Variants in GFPT2 observed in about 807,000 individuals in gnomAD.
GFPT2 encodes glutamine--fructose-6-phosphate transaminase 2.
Under a neutral mutation model 85.6 loss-of-function variants are expected in GFPT2, and 62 were observed. That is an observed-to-expected ratio of 0.72 (90% CI 0.59 to 0.90). GFPT2 has a LOEUF of 0.90. Among genes scored for constraint, GFPT2 ranks in the 40% least tolerant of loss-of-function variants. The probability of loss-of-function intolerance (pLI) is 0.00; values close to 1 mark genes in which losing one functional copy is unlikely to be tolerated. For missense variants in GFPT2, 788 were observed against 893.4 expected, an observed-to-expected ratio of 0.88 and a Z score of 1.50; for synonymous variants, 368 against 344.5, an observed-to-expected ratio of 1.07 and a Z score of -0.75.
chr5:180,306,087 C>A (rs895707934), intron 16 of GFPT2, among the ~76,000 whole-genome samples: 1 of 151,444 alleles, frequency 6.6e-6, no homozygotes, highest in Non-Finnish European at 1.5e-5. Flanking sequence ...TGGATTCAAG[C>A]GATTCTCCTG....
intron 7 of GFPT2, among the ~76,000 whole-genome samples, chr5:180,325,842 T>C (rs1382063615): frequency 6.6e-6 from 1 of 152,150 alleles, no homozygotes; most frequent in Non-Finnish European, 1.5e-5. Flanking sequence ...CTGGCCAACA[T>C]GGCGGAACCC....
chr5:180,328,405 C>T lies in GFPT2; in HGVS notation c.535-67G>A. 1 of 1,272,716 alleles carries T rather than the reference C, an allele frequency of 7.9e-7. No individual in the cohort carries two copies. Among genetic ancestry groups the T allele is most frequent in the Non-Finnish European group, 1.1e-6 (1 of 870,248 alleles). The allele number at this position is 1,272,716 out of a possible 1,614,324, so 78.8% of individuals were successfully genotyped here. ...CCGCTGCTGCAGCCTGGCCACAGCC[C>T]AGGTGCGTCTCCCTGGGCCCCTCCT... On this transcript the variant is annotated intron_variant, in intron 6 of 18. Transcript: ENST00000253778. The surrounding 1 kb of genome is among the most constrained non-coding windows in gnomAD (Gnocchi z 5.4).
intron 4 of GFPT2, 44 bp downstream of exon 4, chr5:180,335,784 C>G: frequency 6.3e-7 from 1 of 1,584,604 alleles, no homozygotes; most frequent in South Asian, 1.2e-5. Context: ...TGACACAGCT[C>G]AGGGTGAGGT....
At chr5:180,312,626 T>C in intron 14 of GFPT2, 82 bp from the exon 15 acceptor site, 2 of 759,682 alleles carry the variant, frequency 2.6e-6, no homozygotes, top group South Asian at 3.0e-5. Context: ...GTCTACTCTG[T>C]TGCTCACGCC....
rs1232879412 is a variant in GFPT2 at position 180,313,659 on chromosome 5, GGGAAA to G, written c.1431+143_1431+147del. On this transcript the variant is annotated intron_variant, in intron 14 of 18. Coordinates refer to ENST00000253778, the MANE Select transcript of GFPT2 (RefSeq NM_005110.4). ...AAGATACGGGAATCCAAGAGGGGAG[GGGAAA>G]GGAAAGGAGCGGAGAGAAGGGGTGA... The G allele has an allele frequency of 7.0e-6, 3 of 430,238 alleles. No individual in the cohort carries two copies. The Admixed American group carries it at 1.3e-4, about 19-fold the overall frequency. The allele number at this position is 430,238 out of a possible 1,614,324, so 26.7% of individuals were successfully genotyped here. A position where few individuals can be genotyped will look rare whatever the true frequency, so the allele number is the denominator to read the frequency against.
Position 180,318,596 on chromosome 5 carries a change from C to A in GFPT2, c.958+197G>T. 2 of 572,494 alleles carry A rather than the reference C, an allele frequency of 3.5e-6. No individual in the cohort carries two copies. The highest frequency in any genetic ancestry group is 6.0e-5 in the Admixed American group (2 of 33,308). 35.5% of individuals were successfully genotyped at this position (572,494 alleles called of 1,614,324 possible). A position where few individuals can be genotyped will look rare whatever the true frequency, so the allele number is the denominator to read the frequency against. The stretch of plus-strand genomic sequence containing the variant: ...CCTGGCGGCTGGCTGCACACAGGAG[C>A]CCCCGCTTGGAGGTGCCAGGCCAGC... On this transcript the variant is annotated intron_variant, in intron 10 of 18. Coordinates refer to ENST00000253778, the MANE Select transcript of GFPT2 (RefSeq NM_005110.4). The surrounding 1 kb of genome is among the most constrained non-coding windows in gnomAD (Gnocchi z 4.2).
chr5:180,310,832 CAAAAAAAAAAAAAAAA>C (rs3080055), intron 15 of GFPT2, among the ~76,000 whole-genome samples: 2 of 50,582 alleles, frequency 4.0e-5, no homozygotes, highest in South Asian at 1.1e-3. Flanking sequence ...TGGACACAGG[CAAAAAAAAAAAAAAAA>C]AAAAAAAAAA....
At chr5:180,304,136 G>A (rs1484027800) in intron 17 of GFPT2, among the ~76,000 whole-genome samples, 1 of 152,146 alleles carries the variant, frequency 6.6e-6, no homozygotes, top group Non-Finnish European at 1.5e-5. Flanking sequence ...GTGCTGGGAG[G>A]GTGACACATC....
rs967097425 is a variant in GFPT2 at position 180,301,302 on chromosome 5, A to G, written c.*262T>C. ...TTACTCTGAAGAGAGCTGTATCTCT[A>G]TTGCACAGTAGTGGAGAAGTCTGCT... On this transcript the variant is annotated 3_prime_UTR_variant, in exon 19 of 19. Transcript: ENST00000253778. 4.3e-5 allele frequency: 23 copies of G among 539,600 alleles called. No homozygotes were observed. Among genetic ancestry groups the G allele is most frequent in the Non-Finnish European group, 7.2e-5 (22 of 306,896 alleles). The allele number at this position is 539,600 out of a possible 1,614,324, so 33.4% of individuals were successfully genotyped here.
In GFPT2 at chr5:180,324,860, T is replaced by C; in HGVS notation, c.632A>G (p.Lys211Arg). ...GATCTGTTCTGTGGAGAGCTTGTAT[T>C]TGCTCCGGACTCCGATGAGCAGGGG... ...GSPLLIGVRS[K>R]YKLSTEQIPI... is the part of the protein sequence containing the mutation. The change falls in exon 8 of 19, where the codon AAA becomes AGA. Residue 211 changes from lysine to arginine, a missense_variant. Lys to Arg is a conservative substitution (Grantham distance 26). Transcript: ENST00000253778. 1 of 1,612,548 alleles carries C rather than the reference T, an allele frequency of 6.2e-7. No individual in the cohort carries two copies. Among genetic ancestry groups the C allele is most frequent in the Non-Finnish European group, 8.5e-7 (1 of 1,178,570 alleles).
At position 180,330,489 on chromosome 5, in the gene GFPT2, A is replaced by C. The variant is rs1172949007; in HGVS notation, c.534+211T>G. Among the ~76,000 whole-genome samples, 2 of 152,218 alleles carry C rather than the reference A, an allele frequency of 1.3e-5. No individual in the cohort carries two copies. The highest frequency in any genetic ancestry group is 4.8e-5 in the African/African-American group (2 of 41,470). On this transcript the variant is annotated intron_variant, in intron 6 of 18. Coordinates refer to ENST00000253778, the MANE Select transcript of GFPT2 (RefSeq NM_005110.4). The surrounding 1 kb of genome is among the most constrained non-coding windows in gnomAD (Gnocchi z 4.4). ...ACTTTCTATTTGATGTTGACTACCC[A>C]AACCACAGAACGTCTTCCAGTTCTA...
chr5:180,301,516 G>C lies in GFPT2; in HGVS notation c.*48C>G. 1 of 1,476,654 alleles carries C rather than the reference G, an allele frequency of 6.8e-7. No homozygotes were observed. The highest frequency in any genetic ancestry group is 1.1e-5 in the South Asian group (1 of 88,354). 91.5% of individuals were successfully genotyped at this position (1,476,654 alleles called of 1,614,324 possible). A position where few individuals can be genotyped will look rare whatever the true frequency, so the allele number is the denominator to read the frequency against. ...TGTAGCATCCCTGCTGTTGGGACAG[G>C]TCTGGAATCAGATGAAAGGTGGTGA... On this transcript the variant is annotated 3_prime_UTR_variant, in exon 19 of 19. Coordinates refer to ENST00000253778, the MANE Select transcript of GFPT2 (RefSeq NM_005110.4).
Position 180,350,071 on chromosome 5 carries a change from C to T in GFPT2, c.7+3140G>A, listed in dbSNP as rs565346455. On this transcript the variant is annotated intron_variant, in intron 1 of 18. Transcript: ENST00000253778. ...GCCACCCCCTCCTCTCTGCAGGGCC[C>T]GTGCTCGTGTCTGGGTCCTTGTGGC... 3.3e-5 allele frequency among the ~76,000 whole-genome samples: 5 copies of T among 152,236 alleles called. No homozygotes were observed. The East Asian group carries it at 5.8e-4, about 18-fold the overall frequency.
At chr5:180,348,299 G>A (rs1764648943) in intron 1 of GFPT2, among the ~76,000 whole-genome samples, 1 of 152,280 alleles carries the variant, frequency 6.6e-6, no homozygotes, top group South Asian at 2.1e-4. Context: ...GCCTGCCTGT[G>A]TGTGTTGGGG....
rs543145988 is a variant in GFPT2, at chr5:180,343,685, T to A, written c.8-5085A>T. Among the ~76,000 whole-genome samples the A allele has an allele frequency of 1.7e-4, 26 of 152,364 alleles. No individual in the cohort carries two copies. The South Asian group carries it at 4.1e-3, about 24-fold the overall frequency. The stretch of plus-strand genomic sequence containing the variant: ...ACGCTGTGCTCTTATCATTTAAAAA[T>A]AAAACACAGAATAAAATGAAGCTCC... On this transcript the variant is annotated intron_variant, in intron 1 of 18. Transcript: ENST00000253778.
chr5:180,315,297 C>A (rs1763983725), intron 13 of GFPT2, among the ~76,000 whole-genome samples: 1 of 152,038 alleles, frequency 6.6e-6, no homozygotes, highest in Admixed American at 6.5e-5. Context: ...CCTGCCTCAG[C>A]CTCCTGAGTA....
At chr5:180,302,667 A>C (rs1362790154) in intron 17 of GFPT2, 83 bp from the exon 18 acceptor site, 2 of 1,102,958 alleles carry the variant, frequency 1.8e-6, no homozygotes, top group East Asian at 4.8e-5. Context: ...TGGAAGCTAC[A>C]TTACTGTGAT....
chr5:180,307,446 G>A (rs1175335479), intron 15 of GFPT2, 143 bp from the exon 16 acceptor site: 26 of 761,706 alleles, frequency 3.4e-5, no homozygotes, highest in Non-Finnish European at 4.7e-5. Context: ...CGTTTCAAAC[G>A]TAGATTACAG....
Position 180,318,284 on chromosome 5 carries a change from T to C in GFPT2, c.958+509A>G, listed in dbSNP as rs1764052529. Among the ~76,000 whole-genome samples the C allele has an allele frequency of 6.6e-6, 1 of 151,798 alleles. No individual in the cohort carries two copies. The highest frequency in any genetic ancestry group is 1.5e-5 in the Non-Finnish European group (1 of 67,926). ...AGTTTGGATTTTATTCTAAGAACAG[T>C]AGGAAACCATTGGAGGGCCTTGAGC... On this transcript the variant is annotated intron_variant, in intron 10 of 18. Coordinates refer to ENST00000253778, the MANE Select transcript of GFPT2 (RefSeq NM_005110.4). The surrounding 1 kb of genome is among the most constrained non-coding windows in gnomAD (Gnocchi z 4.2).
Sources: allele counts gnomAD v4.1 joint callset (sites outside exome capture counted in the v4.1 genomes callset), GRCh38; gene constraint gnomAD v4.1.1; non-coding constraint Gnocchi (gnomAD v3.1); transcripts MANE v1.5; gene names NCBI Gene and HGNC (gene_info 2026-07-23, HGNC 2026-07-21).